The following DMRT1 variants were observed in gnomAD, a reference collection of about 807,000 sequenced individuals.
The protein encoded by DMRT1 is doublesex- and mab-3-related transcription factor 1.
Under a neutral mutation model 32.3 loss-of-function variants are expected in DMRT1, and 7 were observed. The ratio of observed to expected loss-of-function variants is 0.22; its 90% CI spans 0.12 to 0.41. DMRT1 has a LOEUF of 0.41. Ranked by LOEUF, DMRT1 falls within the 10% of genes least tolerant of loss-of-function variation. The probability of loss-of-function intolerance (pLI) is 1.00; values close to 1 mark genes in which losing one functional copy is unlikely to be tolerated. For missense variants in DMRT1, 625 were observed against 500.5 expected, an observed-to-expected ratio of 1.25 and a Z score of -2.37; for synonymous variants, 278 against 206.1, an observed-to-expected ratio of 1.35 and a Z score of -2.99.
chr9:926,687 T>TAGAG (rs57146042), intron 4 of DMRT1, among the ~76,000 whole-genome samples: 542 of 27,626 alleles, frequency 0.02, 6 homozygotes, highest in Middle Eastern at 0.094. Flanking sequence ...AAGACACAGG[T>TAGAG]AGAGAGAGAG....
At chr9:956,971 T>C (rs1008170217) in intron 4 of DMRT1, among the ~76,000 whole-genome samples, 8 of 152,218 alleles carry the variant, frequency 5.3e-5, no homozygotes, top group African/African-American at 1.9e-4. Context: ...TTATTTTAGA[T>C]TCAGCGGGTT....
At chr9:870,408 AC>A (rs1816188411) in intron 2 of DMRT1, among the ~76,000 whole-genome samples, 1 of 151,722 alleles carries the variant, frequency 6.6e-6, no homozygotes, top group East Asian at 1.9e-4. Flanking sequence ...TCAAAAAACA[AC>A]AACAATAACA....
At chr9:900,013 C>G (rs773924062) in intron 3 of DMRT1, among the ~76,000 whole-genome samples, 8 of 152,196 alleles carry the variant, frequency 5.3e-5, no homozygotes, top group Non-Finnish European at 1.2e-4. Flanking sequence ...TAAGGCACCT[C>G]GAAGGAATGC....
chr9:904,570 G>C (rs1817700099), intron 3 of DMRT1, among the ~76,000 whole-genome samples: 1 of 152,164 alleles, frequency 6.6e-6, no homozygotes, highest in Non-Finnish European at 1.5e-5. Context: ...TGTTTTTATT[G>C]AGTGGCTGCT....
At chr9:873,598 C>A (rs868111376) in intron 2 of DMRT1, among the ~76,000 whole-genome samples, 3 of 152,016 alleles carry the variant, frequency 2.0e-5, no homozygotes, top group Admixed American at 6.6e-5. Flanking sequence ...GGATTACAGG[C>A]GTGATCCACC....
At chr9:890,466 A>C (rs901771094) in intron 2 of DMRT1, among the ~76,000 whole-genome samples, 2 of 152,210 alleles carry the variant, frequency 1.3e-5, no homozygotes, top group Non-Finnish European at 2.9e-5. Flanking sequence ...GTTTCCTTTC[A>C]GAGAAAAGTG....
intron 2 of DMRT1, among the ~76,000 whole-genome samples, chr9:857,316 A>G (rs7865419): frequency 6.6e-6 from 1 of 151,554 alleles, no homozygotes; most frequent in African/African-American, 2.4e-5. Flanking sequence ...CAAAAAAAAT[A>G]TATATATGTG....
intron 2 of DMRT1, among the ~76,000 whole-genome samples, chr9:888,501 G>C (rs1453165902): frequency 6.6e-6 from 1 of 151,952 alleles, no homozygotes; most frequent in African/African-American, 2.4e-5. Context: ...GAGGGGTTTT[G>C]TTTGCCCAGG....
At chr9:897,890 A>G (rs957978824) in intron 3 of DMRT1, among the ~76,000 whole-genome samples, 3 of 152,188 alleles carry the variant, frequency 2.0e-5, no homozygotes, top group Admixed American at 2.0e-4. Context: ...ATGTGTATGG[A>G]TTGATTTCTG....
rs765017135 is a variant in DMRT1, at chr9:894,124, T to C, written c.751T>C (p.Ser251Pro). The change falls in exon 3 of 5, where the codon TCC becomes CCC. Residue 251 changes from serine (S) to proline (P), a missense_variant. Physicochemically the swap from Ser to Pro is moderately conservative, Grantham distance 74. This residue lies in a region of DMRT1 where 416 missense variants were observed against 321.6 expected (regional missense o/e 1.29). Coordinates refer to ENST00000382276, the MANE Select transcript of DMRT1 (RefSeq NM_021951.3). ...GGAGGTGGGAAATCCCCTCGGGGGA[T>C]CCCCTGTGAAGAACAGCCTTCGGGG... ...SGEVGNPLGGSPVKNSLRGLP... is the reference protein window; with the variant it reads ...SGEVGNPLGGPPVKNSLRGLP... The C allele has an allele frequency of 3.1e-6, 5 of 1,614,234 alleles. No individual in the cohort carries two copies. Among genetic ancestry groups the C allele is most frequent in the Non-Finnish European group, 4.2e-6 (5 of 1,180,044 alleles).
At chr9:917,350 A>C (rs1818216335) in intron 4 of DMRT1, among the ~76,000 whole-genome samples, 1 of 152,216 alleles carries the variant, frequency 6.6e-6, no homozygotes, top group African/African-American at 2.4e-5. Context: ...ATTTTTGAAT[A>C]CAATAGATCT....
intron 3 of DMRT1, among the ~76,000 whole-genome samples, chr9:900,932 GCCTC>G (rs1434505156): frequency 1.3e-5 from 2 of 151,934 alleles, no homozygotes; most frequent in African/African-American, 4.8e-5. Context: ...GCTCAAGTGA[GCCTC>G]CTGCCTCAGC....
chr9:961,141 C>A (rs1490730881), intron 4 of DMRT1, among the ~76,000 whole-genome samples: 1 of 152,182 alleles, frequency 6.6e-6, no homozygotes, highest in Non-Finnish European at 1.5e-5. Flanking sequence ...CCTCCGGAGC[C>A]CACACCTGAC....
At chr9:956,369 C>G (rs1819599765) in intron 4 of DMRT1, among the ~76,000 whole-genome samples, 1 of 152,038 alleles carries the variant, frequency 6.6e-6, no homozygotes, top group African/African-American at 2.4e-5. Context: ...TGTGAATGTA[C>G]TTCAAATGCA....
At chr9:920,666 C>T (rs1479438689) in intron 4 of DMRT1, among the ~76,000 whole-genome samples, 1 of 152,128 alleles carries the variant, frequency 6.6e-6, no homozygotes, top group Admixed American at 6.5e-5. Flanking sequence ...CAAGGAAGGG[C>T]CTTGGCTCCT....
intron 4 of DMRT1, among the ~76,000 whole-genome samples, chr9:928,012 G>C (rs1564256982): frequency 1.3e-5 from 2 of 152,274 alleles, no homozygotes; most frequent in South Asian, 4.1e-4. Flanking sequence ...TGCTTGGGGA[G>C]GTCTCTGAAG....
intron 3 of DMRT1, among the ~76,000 whole-genome samples, chr9:911,455 T>A (rs1483903396): frequency 6.7e-6 from 1 of 149,812 alleles, no homozygotes; most frequent in African/African-American, 2.4e-5. Context: ...CCATGCCTTT[T>A]TCTGGGTTAA....
chr9:966,376 A>G (rs1459122119), intron 4 of DMRT1, among the ~76,000 whole-genome samples: 2 of 152,244 alleles, frequency 1.3e-5, no homozygotes, highest in Non-Finnish European at 2.9e-5. Flanking sequence ...CCTATATTTT[A>G]AAGCTTACAA....
intron 2 of DMRT1, among the ~76,000 whole-genome samples, chr9:850,993 C>T (rs1475345852): frequency 6.9e-6 from 1 of 144,390 alleles, no homozygotes; most frequent in Non-Finnish European, 1.5e-5. Context: ...TGTGCCATTG[C>T]ACTCCGGCCT....
Sources: allele counts gnomAD v4.1 joint callset (sites outside exome capture counted in the v4.1 genomes callset), GRCh38; gene constraint gnomAD v4.1.1; regional missense constraint gnomAD v4.1.1; transcripts MANE v1.5; gene names NCBI Gene and HGNC (gene_info 2026-07-23, HGNC 2026-07-21).